Variants in CSNK1A1 observed in about 807,000 individuals in gnomAD.
The protein encoded by CSNK1A1 is casein kinase I isoform alpha.
In CSNK1A1, 7 loss-of-function variants were observed where a neutral mutation model predicts 46.1. The ratio of observed to expected loss-of-function variants is 0.15; its 90% CI spans 0.09 to 0.29. CSNK1A1 has a LOEUF of 0.29. CSNK1A1 is among the 10% of genes least tolerant of loss of function. The probability of loss-of-function intolerance (pLI) is 1.00; values close to 1 mark genes in which losing one functional copy is unlikely to be tolerated. For synonymous variants in CSNK1A1, 137 were observed against 141.5 expected (o/e 0.97, Z 0.23); for missense variants, 96 against 417.1 (o/e 0.23, Z 6.71).
At chr5:149,501,341 T>C (rs1483060502) in intron 9 of CSNK1A1, 1 of 985,432 alleles carries the variant, frequency 1.0e-6, no homozygotes, top group Middle Eastern at 5.2e-4. Flanking sequence ...ATTGAGTGTA[T>C]TCAGAGCAGT....
At chr5:149,500,745 G>C (rs991472480) in intron 9 of CSNK1A1, among the ~76,000 whole-genome samples, 3 of 151,628 alleles carry the variant, frequency 2.0e-5, no homozygotes, top group African/African-American at 7.3e-5. Flanking sequence ...GGTTCTGTTT[G>C]TTGCACAGAA....
intron 9 of CSNK1A1, chr5:149,498,327 A>C (rs904791861): frequency 3.0e-6 from 3 of 985,324 alleles, no homozygotes; most frequent in African/African-American, 3.5e-5. Context: ...AATGCCAAAA[A>C]TGAAAGATAA....
At position 149,505,448 on chromosome 5, in the gene CSNK1A1, T is replaced by C. The variant is rs755338170; in HGVS notation, c.1005A>G (p.Lys335=). Residue 335 remains lysine (K), a splice_region_variant and synonymous_variant, in exon 9 of 10, where the codon AAA becomes AAG. Transcript: ENST00000377843. ...KQTDKTKSNM[K]GF is the part of the protein sequence containing the mutation. ...GTCACTTGGTTCTTGGCTACTAACC[T>C]TTCATGTTACTCTTGGTTTTGTCAG... is the stretch of plus-strand genomic sequence containing the variant. The C allele has an allele frequency of 6.2e-7, 1 of 1,613,726 alleles. No individual in the cohort carries two copies.
intron 9 of CSNK1A1, chr5:149,498,035 T>C: frequency 3.8e-6 from 3 of 789,012 alleles, no homozygotes; most frequent in Non-Finnish European, 3.1e-6. Context: ...AGTTTCACTG[T>C]GTTGGCCAGG....
At chr5:149,496,940 G>A (rs1460819964) in intron 9 of CSNK1A1, 80 bp from the exon 10 acceptor site, 9 of 1,518,200 alleles carry the variant, frequency 5.9e-6, no homozygotes, top group Non-Finnish European at 7.9e-6. Flanking sequence ...TGGAAATTGG[G>A]TGGAACTGAG....
In CSNK1A1 at chr5:149,494,508, T is replaced by G. The variant is rs1297283949; in HGVS notation, c.*2345A>C. Reference sequence around the variant, plus strand: ...AGCTGAGTAAGCCACTGTGGAGCCTTAAGTGGTGAGGTCTTCCAATTTCAG... The same window carrying G: ...AGCTGAGTAAGCCACTGTGGAGCCTGAAGTGGTGAGGTCTTCCAATTTCAG... On this transcript the variant is annotated 3_prime_UTR_variant, in exon 10 of 10. Coordinates refer to ENST00000377843, the MANE Select transcript of CSNK1A1 (RefSeq NM_001892.6). The G allele has an allele frequency of 1.3e-5, 2 of 152,192 alleles. No homozygotes were observed. The highest frequency in any genetic ancestry group is 2.9e-5 in the Non-Finnish European group (2 of 68,034). 9.4% of individuals were successfully genotyped at this position (152,192 alleles called of 1,614,324 possible).
rs190340189 is a variant in CSNK1A1, at chr5:149,542,622, A to G, written c.230+7453T>C. Among the ~76,000 whole-genome samples, 28 of 13,750 alleles carry G rather than the reference A, an allele frequency of 2.0e-3. 1 individual carries two copies. In the East Asian group the frequency reaches 0.025, roughly 12 times the overall value. 9.0% of individuals were successfully genotyped at this position (13,750 alleles called of 152,430 possible). On this transcript the variant is annotated intron_variant, in intron 2 of 9. Transcript: ENST00000377843. ...TATATATATATATATATATATATAT[A>G]TATATATATATATATATGTATATAT...
At chr5:149,506,885 C>T in intron 8 of CSNK1A1, 142 bp downstream of exon 8, 1 of 626,932 alleles carries the variant, frequency 1.6e-6, no homozygotes, top group Non-Finnish European at 2.7e-6. Context: ...CAAATTAGTC[C>T]CAAATAAATC....
intron 2 of CSNK1A1, among the ~76,000 whole-genome samples, chr5:149,541,828 A>AGGCAT (rs1762240406): frequency 6.6e-6 from 1 of 152,008 alleles, no homozygotes; most frequent in African/African-American, 2.4e-5. Flanking sequence ...AAAATTAGCC[A>AGGCAT]GGCATGGTGG....
At chr5:149,502,556 C>CTGGG (rs1760904384) in intron 9 of CSNK1A1, 1 of 304,212 alleles carries the variant, frequency 3.3e-6, no homozygotes, top group Non-Finnish European at 4.4e-6. Context: ...TTGGAGGGAG[C>CTGGG]TGGGACAGGG....
chr5:149,503,079 A>T, intron 9 of CSNK1A1: 1 of 985,402 alleles, frequency 1.0e-6, no homozygotes, highest in Non-Finnish European at 1.2e-6. Flanking sequence ...TTATTCCTTA[A>T]ATAAAGAACC....
intron 3 of CSNK1A1, among the ~76,000 whole-genome samples, chr5:149,520,923 T>C (rs905277553): frequency 6.6e-5 from 10 of 152,334 alleles, no homozygotes; most frequent in African/African-American, 2.4e-4. Flanking sequence ...ATTCCAAAAG[T>C]TAAATATTAA....
chr5:149,497,554 G>A (rs1283247278), intron 9 of CSNK1A1: 1 of 985,262 alleles, frequency 1.0e-6, no homozygotes, highest in Non-Finnish European at 1.2e-6. Flanking sequence ...TAGGCCCTAG[G>A]CCAAGTTTGA....
intron 2 of CSNK1A1, among the ~76,000 whole-genome samples, chr5:149,548,884 C>A (rs1478339609): frequency 6.6e-6 from 1 of 152,246 alleles, no homozygotes; most frequent in East Asian, 1.9e-4. Flanking sequence ...ACAGTAAGTA[C>A]CATTCTTACC....
At chr5:149,532,077 C>T (rs1265849151) in intron 2 of CSNK1A1, among the ~76,000 whole-genome samples, 2 of 151,904 alleles carry the variant, frequency 1.3e-5, no homozygotes, top group African/African-American at 2.4e-5. Flanking sequence ...CAGGGTTTCA[C>T]CATGTTGGCC....
At chr5:149,544,523 A>C (rs561709696) in intron 2 of CSNK1A1, among the ~76,000 whole-genome samples, 26 of 151,726 alleles carry the variant, frequency 1.7e-4, no homozygotes, top group African/African-American at 6.3e-4. Flanking sequence ...AAAAATTTTT[A>C]AATTGTTCCT....
chr5:149,503,634 G>A, intron 9 of CSNK1A1: 1 of 985,360 alleles, frequency 1.0e-6, no homozygotes, highest in Non-Finnish European at 1.2e-6. Flanking sequence ...GATTAAACAA[G>A]TTTAATTACA....
intron 2 of CSNK1A1, among the ~76,000 whole-genome samples, chr5:149,534,861 C>T (rs1467692602): frequency 2.0e-5 from 3 of 147,896 alleles, no homozygotes; most frequent in Admixed American, 1.4e-4. Context: ...GCTGTTGAGG[C>T]TAGCCACTGT....
intron 8 of CSNK1A1, among the ~76,000 whole-genome samples, chr5:149,506,298 G>A (rs1761022636): frequency 6.6e-6 from 1 of 152,002 alleles, no homozygotes; most frequent in African/African-American, 2.4e-5. Context: ...GTGCACTGGG[G>A]GGATCTCAGC....
Sources: gnomAD v4.1 joint callset for allele counts (sites outside exome capture counted in the v4.1 genomes callset) on GRCh38, gnomAD v4.1.1 for gene constraint, MANE v1.5 for transcripts, NCBI Gene and HGNC (gene_info 2026-07-23, HGNC 2026-07-21) for gene names.